PLOD3: variants seen among roughly 807,000 people sequenced by gnomAD.
The protein encoded by PLOD3 is procollagen-lysine,2-oxoglutarate 5-dioxygenase 3.
Under a neutral mutation model 96.9 loss-of-function variants are expected in PLOD3, and 73 were observed. The ratio of observed to expected loss-of-function variants is 0.75; its 90% CI spans 0.62 to 0.92. The LOEUF (loss-of-function observed/expected upper bound fraction) is 0.92, where lower values mean the gene tolerates loss of function less well. Ranked by LOEUF, PLOD3 falls within the 40% of genes least tolerant of loss-of-function variation. The pLI, the probability that PLOD3 is intolerant of heterozygous loss-of-function variation, is 0.00. For missense variants in PLOD3, 1,004 were observed against 1,004.3 expected, an observed-to-expected ratio of 1.00 and a Z score of 0.00; for synonymous variants, 454 against 413.7, an observed-to-expected ratio of 1.10 and a Z score of -1.18.
rs144508814 is a variant in PLOD3 at position 101,211,706 on chromosome 7, C to A, written c.1243G>T (p.Ala415Ser). 2 of 1,604,436 alleles carry A rather than the reference C, an allele frequency of 1.2e-6. No individual in the cohort carries two copies. Among genetic ancestry groups the A allele is most frequent in the East Asian group, 4.5e-5 (2 of 44,416 alleles). The change falls in exon 12 of 19, where the codon GCC (alanine) becomes TCC (serine). Residue 415 changes from alanine (A) to serine (S), a missense_variant. By Grantham distance (99) the Ala-to-Ser change is moderately conservative. Coordinates refer to ENST00000223127, the MANE Select transcript of PLOD3 (RefSeq NM_001084.5). ...ILIEENRKVI[A>S]PMLSRHGKLW... ...TTGCCGTGGCGGGACAGCATGGGGG[C>A]GATCACCTTCCTGCGGACAGGTGGG...
Position 101,206,789 on chromosome 7 carries a change from A to G in PLOD3, c.2051T>C (p.Leu684Pro). The G allele has an allele frequency of 6.3e-7, 1 of 1,583,580 alleles. No individual in the cohort carries two copies. Among genetic ancestry groups the G allele is most frequent in the Admixed American group, 1.8e-5 (1 of 55,306 alleles). The change falls in exon 18 of 19, where the codon CTG (leucine) becomes CCG (proline). Residue 684 changes from leucine to proline, a missense_variant. Around this residue, in one of 5 missense-constraint regions of PLOD3, gnomAD observed 222 missense variants for 220.4 expected, o/e 1.01. Transcript: ENST00000223127. ...GTGACTGGGGCGCACCTCATAGTCCAGGCCCTTGTGGTTGAGGGCAACGTT... is the reference window on the plus strand; with the variant it reads ...GTGACTGGGGCGCACCTCATAGTCCGGGCCCTTGTGGTTGAGGGCAACGTT... ...TLNVALNHKG[L>P]DYEGGGCRFL...
chr7:101,209,007 GA>G, intron 15 of PLOD3, 50 bp from the exon 16 acceptor site: 1 of 1,306,764 alleles, frequency 7.7e-7, no homozygotes, highest in African/African-American at 1.5e-5. Context: ...GCAGAACGGG[GA>G]AGGGGACAGG....
chr7:101,212,807 C>A, intron 8 of PLOD3, 35 bp downstream of exon 8: 2 of 1,564,832 alleles, frequency 1.3e-6, no homozygotes, highest in Non-Finnish European at 1.8e-6. Flanking sequence ...CAGCACGCTG[C>A]CCTCTCGTGC....
At chr7:101,215,217 C>T in intron 5 of PLOD3, 65 bp from the exon 6 acceptor site, 1 of 1,173,426 alleles carries the variant, frequency 8.5e-7, no homozygotes. Flanking sequence ...TCATTTCTCA[C>T]TTTTCTCTCT....
intron 9 of PLOD3, 38 bp downstream of exon 9, chr7:101,212,492 A>G: frequency 6.2e-7 from 1 of 1,610,556 alleles, no homozygotes; most frequent in Non-Finnish European, 8.5e-7. Context: ...GGGCAGGGAA[A>G]GGGTCCCTCA....
rs372579198 is a variant in PLOD3 at position 101,208,919 on chromosome 7, T to C, written c.1722A>G (p.Glu574=). ...PDVYWFPLLS[E]QMCDELVAEM... ...CTGCCACCAGCTCATCACACATTTG[T>C]TCTGACAGCAGTGGGAACCAGTACA... Residue 574 remains glutamate (E), a synonymous_variant, in exon 16 of 19, where the codon GAA becomes GAG. Coordinates refer to ENST00000223127, the MANE Select transcript of PLOD3 (RefSeq NM_001084.5). The C allele has an allele frequency of 1.9e-6, 3 of 1,613,962 alleles. No individual in the cohort carries two copies. Among genetic ancestry groups the C allele is most frequent in the Non-Finnish European group, 2.5e-6 (3 of 1,179,872 alleles).
At chr7:101,210,703 G>T (rs2116800885) in intron 12 of PLOD3, 30 bp from the exon 13 acceptor site, 3 of 1,612,234 alleles carry the variant, frequency 1.9e-6, no homozygotes, top group Non-Finnish European at 2.5e-6. Context: ...GGTCAGCTGG[G>T]AGGACAGCCC....
chr7:101,210,875 TTTTG>T, intron 12 of PLOD3: 1 of 596,790 alleles, frequency 1.7e-6, no homozygotes, highest in South Asian at 2.0e-5. Flanking sequence ...GGCACTTCTT[TTTTG>T]TTTCTTGTTT....
At chr7:101,209,552 GTT>G (rs11295764) in intron 15 of PLOD3, among the ~76,000 whole-genome samples, 18,961 of 110,424 alleles carry the variant, frequency 0.17, 1,345 homozygotes, top group African/African-American at 0.2. Flanking sequence ...TAATTTTTGT[GTT>G]TTTTTTTTTT....
chr7:101,216,369 C>T, intron 3 of PLOD3, 41 bp downstream of exon 3: 1 of 1,613,764 alleles, frequency 6.2e-7, no homozygotes, highest in Non-Finnish European at 8.5e-7. Flanking sequence ...CACTGGGAAC[C>T]TCAGCATCCT....
At position 101,210,052 on chromosome 7, in the gene PLOD3, C is replaced by T. The variant is rs1259128656; in HGVS notation, c.1683+41G>A. The T allele has an allele frequency of 3.2e-6, 4 of 1,245,282 alleles. No individual in the cohort carries two copies. In the East Asian group the frequency reaches 1.0e-4, roughly 33 times the overall value. 77.1% of individuals were successfully genotyped at this position (1,245,282 alleles called of 1,614,324 possible). A position where few individuals can be genotyped will look rare whatever the true frequency, so the allele number is the denominator to read the frequency against. On this transcript the variant is annotated intron_variant, in intron 15 of 18. Transcript: ENST00000223127. ...GCGGGGGCCCCCAAGAGGCGATGGCCATGAGGGCAGGGGGTGGGTGGGGAG... is the reference window on the plus strand; with the variant it reads ...GCGGGGGCCCCCAAGAGGCGATGGCTATGAGGGCAGGGGGTGGGTGGGGAG...
chr7:101,213,020 G>T, intron 7 of PLOD3, 77 bp from the exon 8 acceptor site: 1 of 1,374,562 alleles, frequency 7.3e-7, no homozygotes, highest in Non-Finnish European at 1.0e-6. Flanking sequence ...CTGATATGGG[G>T]GCTGGGAAGG....
intron 6 of PLOD3, among the ~76,000 whole-genome samples, chr7:101,214,429 C>CCT (rs1417989753): frequency 6.6e-6 from 1 of 151,988 alleles, no homozygotes; most frequent in Non-Finnish European, 1.5e-5. Context: ...CCGTGCCTGG[C>CCT]CTCTCTCTCT....
chr7:101,214,672 T>A (rs1320062506), intron 6 of PLOD3, among the ~76,000 whole-genome samples: 1 of 151,784 alleles, frequency 6.6e-6, no homozygotes, highest in East Asian at 2.0e-4. Context: ...ACCCTGTCTC[T>A]ACTAAAAATA....
chr7:101,212,048 T>G, intron 10 of PLOD3, 98 bp from the exon 11 acceptor site: 1 of 1,037,766 alleles, frequency 9.6e-7, no homozygotes, highest in Non-Finnish European at 1.4e-6. Context: ...GGAGGCAGTG[T>G]CTATCCTTCC....
At chr7:101,212,478 A>C in intron 9 of PLOD3, 52 bp downstream of exon 9, 1 of 1,604,986 alleles carries the variant, frequency 6.2e-7, no homozygotes, top group South Asian at 1.1e-5. Context: ...GAGAGTTCTG[A>C]TCAGGGCAGG....
At chr7:101,208,741 T>TC in intron 16 of PLOD3, 112 bp downstream of exon 16, 3 of 740,086 alleles carry the variant, frequency 4.1e-6, no homozygotes, top group South Asian at 1.4e-5. Context: ...AGGGTCTGCC[T>TC]CCCCCCTGGG....
At position 101,214,132 on chromosome 7, in the gene PLOD3, C is replaced by CT. The variant is rs201288319; in HGVS notation, c.680-929dup. ...ACAGATGTGAGCTGTCGCACCTGGC[C>CT]TTTTTTTTTTTTGAGAAGGAATCTC... On this transcript the variant is annotated intron_variant, in intron 6 of 18. Coordinates refer to ENST00000223127, the MANE Select transcript of PLOD3 (RefSeq NM_001084.5). Among the ~76,000 whole-genome samples the CT allele has an allele frequency of 9.4e-4, 134 of 141,910 alleles. 1 individual carries two copies. Among genetic ancestry groups the CT allele is most frequent in the Admixed American group, 2.1e-3 (30 of 14,150 alleles). 93.1% of individuals were successfully genotyped at this position (141,910 alleles called of 152,430 possible). A position where few individuals can be genotyped will look rare whatever the true frequency, so the allele number is the denominator to read the frequency against.
At chr7:101,216,812 G>C in intron 1 of PLOD3, 26 bp from the exon 2 acceptor site, 1 of 1,503,474 alleles carries the variant, frequency 6.7e-7, no homozygotes, top group Non-Finnish European at 9.2e-7. Flanking sequence ...AATGGCACTT[G>C]AGATCCACCG....
Sources: gnomAD v4.1 joint callset for allele counts (sites outside exome capture counted in the v4.1 genomes callset) on GRCh38, gnomAD v4.1.1 for gene constraint, gnomAD v4.1.1 regional missense constraint, MANE v1.5 for transcripts, NCBI Gene and HGNC (gene_info 2026-07-23, HGNC 2026-07-21) for gene names.